The following LANCL1 variants were observed in gnomAD, a reference collection of about 807,000 sequenced individuals.
LANCL1 encodes glutathione S-transferase LANCL1.
In LANCL1, 50 loss-of-function variants were observed where a neutral mutation model predicts 50.6. The ratio of observed to expected loss-of-function variants is 0.99; its 90% CI spans 0.79 to 1.25. The LOEUF is 1.25. LANCL1 is among the 50% of genes most tolerant of loss of function. LANCL1 has a pLI of 0.00. For synonymous variants in LANCL1, 188 were observed against 178.6 expected (o/e 1.05, Z -0.42); for missense variants, 532 against 480.7 (o/e 1.11, Z -1.00).
rs770212982 is a variant in LANCL1 at position 210,436,259 on chromosome 2, TAG to T, written c.1005_1006del (p.Tyr336GlnfsTer11). 14 of 1,613,934 alleles carry T rather than the reference TAG, an allele frequency of 8.7e-6. No individual in the cohort carries two copies. ...GTACTTCATGTCCTGTGTGAGGTTGTAGAGTGTCAGGAAGGCATAGGCATTCC... is the reference window on the plus strand; with the variant it reads ...GTACTTCATGTCCTGTGTGAGGTTGTAGTGTCAGGAAGGCATAGGCATTCC... On this transcript the variant is annotated frameshift_variant, in exon 8 of 10. Coordinates refer to ENST00000450366, the MANE Select transcript of LANCL1 (RefSeq NM_006055.3). LOFTEE classifies it high-confidence loss of function.
chr2:210,466,901 C>G (rs1694079739), intron 3 of LANCL1, among the ~76,000 whole-genome samples: 1 of 151,944 alleles, frequency 6.6e-6, no homozygotes, highest in Non-Finnish European at 1.5e-5. Context: ...CATGACTTCA[C>G]AGGCACCAAT....
chr2:210,472,308 A>C (rs1487116846), intron 2 of LANCL1, among the ~76,000 whole-genome samples: 1 of 152,216 alleles, frequency 6.6e-6, no homozygotes, highest in African/African-American at 2.4e-5. Flanking sequence ...TAAATACTAA[A>C]ACAGACTGCC....
chr2:210,443,211 C>T (rs75409834), intron 4 of LANCL1, among the ~76,000 whole-genome samples: 1 of 152,242 alleles, frequency 6.6e-6, no homozygotes, highest in Non-Finnish European at 1.5e-5. Flanking sequence ...AGGAAAGTAA[C>T]CATCTTTGGT....
intron 3 of LANCL1, among the ~76,000 whole-genome samples, chr2:210,470,926 T>C (rs1427912376): frequency 6.6e-6 from 1 of 152,098 alleles, no homozygotes; most frequent in Non-Finnish European, 1.5e-5. Context: ...GCCCACTCTT[T>C]AAAGCGAATG....
chr2:210,440,244 T>C (rs984088586), intron 6 of LANCL1, among the ~76,000 whole-genome samples: 1 of 152,206 alleles, frequency 6.6e-6, no homozygotes, highest in Non-Finnish European at 1.5e-5. Flanking sequence ...TACCTTTTAA[T>C]GTGGAATAAT....
At chr2:210,453,754 T>G (rs1432987042) in intron 4 of LANCL1, among the ~76,000 whole-genome samples, 1 of 152,172 alleles carries the variant, frequency 6.6e-6, no homozygotes, top group African/African-American at 2.4e-5. Flanking sequence ...GTAGTCTCTG[T>G]GTTTCAAATT....
intron 9 of LANCL1, 38 bp downstream of exon 9, chr2:210,435,349 T>G: frequency 6.7e-7 from 1 of 1,490,510 alleles, no homozygotes; most frequent in Non-Finnish European, 9.4e-7. Flanking sequence ...AAGTAGATGC[T>G]GATATTATAG....
At chr2:210,453,840 C>G (rs1693581019) in intron 4 of LANCL1, among the ~76,000 whole-genome samples, 1 of 152,134 alleles carries the variant, frequency 6.6e-6, no homozygotes, top group Non-Finnish European at 1.5e-5. Context: ...ACACTTTAAA[C>G]TTTGGGGGAA....
intron 3 of LANCL1, chr2:210,471,461 A>T: frequency 5.2e-6 from 2 of 382,686 alleles, no homozygotes; most frequent in Non-Finnish European, 1.0e-5. Flanking sequence ...CAAACCAAAC[A>T]GCAATGACCA....
intron 4 of LANCL1, among the ~76,000 whole-genome samples, chr2:210,454,219 TACACACACACACACACACACACACAC>T (rs3836055): frequency 6.8e-6 from 1 of 147,620 alleles, no homozygotes; most frequent in African/African-American, 2.5e-5. Flanking sequence ...TATGCATACA[TACACACACACACACACACACACACAC>T]ACACACACAC....
intron 9 of LANCL1, 44 bp from the exon 10 acceptor site, chr2:210,434,607 C>A: frequency 6.9e-7 from 1 of 1,439,512 alleles, no homozygotes; most frequent in African/African-American, 1.4e-5. Context: ...CCAAATGACT[C>A]CATTTCATAG....
intron 4 of LANCL1, among the ~76,000 whole-genome samples, chr2:210,445,072 T>A (rs1574419964): frequency 1.3e-5 from 2 of 152,262 alleles, no homozygotes; most frequent in East Asian, 3.9e-4. Flanking sequence ...AACCTATTTT[T>A]AATATAAATG....
chr2:210,458,102 G>A (rs1183556374), intron 3 of LANCL1, among the ~76,000 whole-genome samples: 1 of 152,294 alleles, frequency 6.6e-6, no homozygotes, highest in South Asian at 2.1e-4. Context: ...AGCAGTCATC[G>A]TCTAAGGACC....
At chr2:210,441,274 TA>T in intron 5 of LANCL1, 33 bp downstream of exon 5, 1 of 1,600,764 alleles carries the variant, frequency 6.2e-7, no homozygotes, top group Non-Finnish European at 8.5e-7. Flanking sequence ...AATGGGATCC[TA>T]AAAAGGCTCC....
chr2:210,437,871 G>A lies in LANCL1; in HGVS notation c.692C>T (p.Pro231Leu), dbSNP rs758186882. 4.7e-5 allele frequency: 75 copies of A among 1,579,740 alleles called. No individual in the cohort carries two copies. The Middle Eastern group carries it at 6.8e-4, about 14-fold the overall frequency. Residue 231 changes from proline (P) to leucine (L), a missense_variant and splice_region_variant, in exon 7 of 10, where the codon CCC (proline) becomes CTC (leucine). Physicochemically the swap from Pro to Leu is moderately conservative, Grantham distance 98 (BLOSUM62 -3). Coordinates refer to ENST00000450366, the MANE Select transcript of LANCL1 (RefSeq NM_006055.3). The part of the protein sequence containing the change: ...LAGIYYYLMQ[P>L]SLQVSQGKLH... ...CTTCCCTTGGCTCACTTGAAGGCTG[G>A]GCTAAAAATGAGAAGGAAATTATTA...
At position 210,434,458 on chromosome 2, in the gene LANCL1, C is replaced by A. The variant is rs777170230; in HGVS notation, c.*29G>T. The A allele has an allele frequency of 6.4e-6, 10 of 1,570,308 alleles. No homozygotes were observed. The South Asian group carries it at 1.1e-4, about 18-fold the overall frequency. On this transcript the variant is annotated 3_prime_UTR_variant, in exon 10 of 10. Coordinates refer to ENST00000450366, the MANE Select transcript of LANCL1 (RefSeq NM_006055.3). ...GTTTGAATATACAGAAAGGGTCATG[C>A]AGTGAGTTGCAGGTGGCATGCTATC... is the stretch of plus-strand genomic sequence containing the variant.
At chr2:210,466,966 G>T (rs534650876) in intron 3 of LANCL1, among the ~76,000 whole-genome samples, 2 of 152,262 alleles carry the variant, frequency 1.3e-5, no homozygotes, top group African/African-American at 4.8e-5. Flanking sequence ...GGGGGATGGG[G>T]ATGAAGGATT....
At chr2:210,444,607 T>TA (rs1693253731) in intron 4 of LANCL1, among the ~76,000 whole-genome samples, 1 of 152,228 alleles carries the variant, frequency 6.6e-6, no homozygotes, top group Admixed American at 6.5e-5. Context: ...TCAAATTAGT[T>TA]AAATATGCAA....
intron 4 of LANCL1, among the ~76,000 whole-genome samples, chr2:210,446,050 A>G (rs1289676039): frequency 1.3e-5 from 2 of 152,146 alleles, no homozygotes; most frequent in Non-Finnish European, 1.5e-5. Flanking sequence ...AGACTTAAAC[A>G]TTCCTGCGTG....
Sources: gnomAD v4.1 joint callset for allele counts (sites outside exome capture counted in the v4.1 genomes callset) on GRCh38, gnomAD v4.1.1 for gene constraint, MANE v1.5 for transcripts, NCBI Gene and HGNC (gene_info 2026-07-23, HGNC 2026-07-21) for gene names.